The following GDPD5 variants were observed in gnomAD, a reference collection of about 807,000 sequenced individuals.
GDPD5 encodes glycerophosphodiester phosphodiesterase 2.
In GDPD5, 48 loss-of-function variants were observed where a neutral mutation model predicts 75.1. The observed-to-expected ratio is 0.64, with a 90% confidence interval of 0.51 to 0.81. The LOEUF (loss-of-function observed/expected upper bound fraction) is 0.81, where lower values mean the gene tolerates loss of function less well. Ranked by LOEUF, GDPD5 falls within the 40% of genes least tolerant of loss-of-function variation. The pLI is 0.00. For missense variants in GDPD5, 706 were observed against 822.6 expected, an observed-to-expected ratio of 0.86 and a Z score of 1.73; for synonymous variants, 336 against 339.0, an observed-to-expected ratio of 0.99 and a Z score of 0.10.
At chr11:75,483,037 A>G (rs1024076031) in intron 2 of GDPD5, among the ~76,000 whole-genome samples, 3 of 151,714 alleles carry the variant, frequency 2.0e-5, no homozygotes, top group South Asian at 2.1e-4. Context: ...CTGAGACGGG[A>G]CTCTCTCCAC....
chr11:75,458,698 A>T (rs1477042017), intron 4 of GDPD5, among the ~76,000 whole-genome samples: 8 of 57,614 alleles, frequency 1.4e-4, no homozygotes, highest in Non-Finnish European at 2.0e-4. Context: ...ATAAATAAAT[A>T]AAATAAATAA....
At chr11:75,465,393 G>A (rs374553501) in intron 3 of GDPD5, among the ~76,000 whole-genome samples, 1 of 152,126 alleles carries the variant, frequency 6.6e-6, no homozygotes, top group African/African-American at 2.4e-5. Context: ...CTCACAGGGT[G>A]AATCCCATCT....
intron 6 of GDPD5, chr11:75,453,080 A>ACC (rs1474363240): frequency 6.6e-6 from 1 of 152,042 alleles, no homozygotes; most frequent in Non-Finnish European, 1.5e-5. Flanking sequence ...GCTCCCAAGA[A>ACC]CCCTTCAGCC....
At chr11:75,489,256 G>A (rs682292) in intron 2 of GDPD5, among the ~76,000 whole-genome samples, 104,932 of 152,052 alleles carry the variant, frequency 0.69, 36,738 homozygotes, top group East Asian at 0.96. Flanking sequence ...GCACATTTCT[G>A]TACCATATCT....
At chr11:75,496,296 T>A (rs961306201) in intron 1 of GDPD5, among the ~76,000 whole-genome samples, 4 of 152,142 alleles carry the variant, frequency 2.6e-5, no homozygotes, top group Admixed American at 6.5e-5. Flanking sequence ...GGCTGGCAAA[T>A]CTCCACATTC....
At chr11:75,512,211 G>C (rs1294719333) in intron 1 of GDPD5, among the ~76,000 whole-genome samples, 1 of 149,116 alleles carries the variant, frequency 6.7e-6, no homozygotes, top group Non-Finnish European at 1.5e-5. Flanking sequence ...ATGAATACAC[G>C]AACCAATTCT....
At chr11:75,439,402 A>AG (rs754949607) in intron 15 of GDPD5, 5 of 455,864 alleles carry the variant, frequency 1.1e-5, no homozygotes, top group South Asian at 7.8e-5. Context: ...GGGAGAGAGG[A>AG]GGGACATGCG....
intron 2 of GDPD5, among the ~76,000 whole-genome samples, chr11:75,485,133 A>G (rs1044971391): frequency 6.6e-6 from 1 of 152,246 alleles, no homozygotes; most frequent in African/African-American, 2.4e-5. Flanking sequence ...GACGTTCTAG[A>G]AAAGGCAAAA....
intron 3 of GDPD5, among the ~76,000 whole-genome samples, chr11:75,465,129 C>T (rs1405220710): frequency 6.6e-6 from 1 of 152,202 alleles, no homozygotes; most frequent in Non-Finnish European, 1.5e-5. Context: ...TGACACCCAT[C>T]TGGTCACGTC....
Position 75,435,533 on chromosome 11 carries a change from T to A in GDPD5, c.1792A>T (p.Thr598Ser). The stretch of plus-strand genomic sequence containing the variant: ...TAACGCCCACTCCGCTCTATGAGGG[T>A]CTTGGTGTGGCTGCCACCCCCTCGG... ...GPRGGGSHTKTLIERSGR is the reference protein window; with the variant it reads ...GPRGGGSHTKSLIERSGR The change falls in exon 17 of 17, where the codon ACC (threonine) becomes TCC (serine). Residue 598 changes from threonine (T) to serine (S), a missense_variant. Transcript: ENST00000336898. The A allele has an allele frequency of 6.2e-7, 1 of 1,611,916 alleles. No individual in the cohort carries two copies. Among genetic ancestry groups the A allele is most frequent in the Non-Finnish European group, 8.5e-7 (1 of 1,179,020 alleles).
At chr11:75,496,570 A>G (rs1398247784) in intron 1 of GDPD5, among the ~76,000 whole-genome samples, 1 of 152,172 alleles carries the variant, frequency 6.6e-6, no homozygotes, top group East Asian at 1.9e-4. Context: ...TACAGTGTGC[A>G]GTGGCTGTAA....
chr11:75,520,695 C>T (rs1950737238), intron 1 of GDPD5, among the ~76,000 whole-genome samples: 1 of 152,204 alleles, frequency 6.6e-6, no homozygotes, highest in African/African-American at 2.4e-5. Context: ...CTGCTCTTTC[C>T]CATGGTCACA....
At chr11:75,511,928 T>C (rs1950527384) in intron 1 of GDPD5, among the ~76,000 whole-genome samples, 1 of 152,212 alleles carries the variant, frequency 6.6e-6, no homozygotes, top group Non-Finnish European at 1.5e-5. Context: ...GGGATAATGC[T>C]ATTCTCAGGG....
chr11:75,516,702 G>A (rs1179544779), intron 1 of GDPD5, among the ~76,000 whole-genome samples: 1 of 152,186 alleles, frequency 6.6e-6, no homozygotes, highest in Non-Finnish European at 1.5e-5. Context: ...GTTTACGGTA[G>A]GCACTGTGCT....
intron 2 of GDPD5, among the ~76,000 whole-genome samples, chr11:75,482,263 CT>C (rs1437472431): frequency 2.0e-5 from 3 of 152,186 alleles, no homozygotes; most frequent in African/African-American, 7.2e-5. Context: ...TCCTCTCCCC[CT>C]GGTGCATTTT....
intron 3 of GDPD5, among the ~76,000 whole-genome samples, chr11:75,472,498 G>C (rs1949690680): frequency 1.3e-5 from 2 of 152,066 alleles, no homozygotes; most frequent in Non-Finnish European, 1.5e-5. Flanking sequence ...CCAGCTCCCA[G>C]GGTGATCTGG....
intron 2 of GDPD5, among the ~76,000 whole-genome samples, chr11:75,488,541 C>T (rs1028449629): frequency 1.3e-5 from 2 of 152,178 alleles, no homozygotes; most frequent in African/African-American, 2.4e-5. Context: ...TCCTACCCCT[C>T]CTTGTACCAC....
At chr11:75,461,428 T>C (rs146608760) in intron 4 of GDPD5, among the ~76,000 whole-genome samples, 93 of 152,296 alleles carry the variant, frequency 6.1e-4, no homozygotes, top group African/African-American at 2.1e-3. Context: ...TATTCTTGAT[T>C]GTGCTCATTA....
chr11:75,482,963 G>T (rs1423181526), intron 2 of GDPD5, among the ~76,000 whole-genome samples: 1 of 152,194 alleles, frequency 6.6e-6, no homozygotes, highest in African/African-American at 2.4e-5. Flanking sequence ...CTTCAGAGAA[G>T]TGCCCAGAAG....
Sources: allele counts gnomAD v4.1 joint callset (sites outside exome capture counted in the v4.1 genomes callset), GRCh38; gene constraint gnomAD v4.1.1; transcripts MANE v1.5; gene names NCBI Gene and HGNC (gene_info 2026-07-23, HGNC 2026-07-21).